TXLNG: variants seen among roughly 807,000 people sequenced by gnomAD.
TXLNG encodes taxilin gamma, also known as gamma-taxilin.
In TXLNG, 5 loss-of-function variants were observed where a neutral mutation model predicts 38.8. The observed-to-expected ratio is 0.13, with a 90% CI of 0.07 to 0.27. The LOEUF is 0.27. TXLNG is among the 10% of genes least tolerant of loss of function. The pLI is 1.00. For synonymous variants in TXLNG, 182 were observed against 158.2 expected (o/e 1.15, Z -1.13); for missense variants, 393 against 398.2 (o/e 0.99, Z 0.11).
intron 7 of TXLNG, among the ~76,000 whole-genome samples, chrX:16,835,442 C>T (rs1929555351): frequency 8.9e-6 from 1 of 111,935 alleles, no homozygotes; most frequent in Non-Finnish European, 1.9e-5. Context: ...CAGAAAGCTT[C>T]TAGGAGATTT....
chrX:16,813,877 G>A (rs926646421), intron 1 of TXLNG, among the ~76,000 whole-genome samples: 5 of 111,166 alleles, frequency 4.5e-5, no homozygotes, highest in Non-Finnish European at 9.4e-5. Context: ...ATAAGGTCAG[G>A]AGATCGAGAC....
rs191339844 is a variant in TXLNG at position 16,805,059 on chromosome X, A to G, written c.103-13515A>G. ...CAGGCTAGAGTGCAGTGGTGCAGTCATAGCTTGCTGATCTTCCAAGCTCAA... is the reference window on the plus strand; with the variant it reads ...CAGGCTAGAGTGCAGTGGTGCAGTCGTAGCTTGCTGATCTTCCAAGCTCAA... On this transcript the variant is annotated intron_variant, in intron 1 of 9. Transcript: ENST00000380122. Among the ~76,000 whole-genome samples the G allele has an allele frequency of 4.8e-3, 420 of 87,561 alleles. 4 individuals are homozygous for G. The highest frequency in any genetic ancestry group is 0.018 in the African/African-American group (409 of 22,293). 76.0% of individuals were successfully genotyped at this position (87,561 alleles called of 115,157 possible). A position where few individuals can be genotyped will look rare whatever the true frequency, so the allele number is the denominator to read the frequency against.
chrX:16,821,911 A>G (rs769224204), intron 3 of TXLNG, among the ~76,000 whole-genome samples: 11 of 106,573 alleles, frequency 1.0e-4, no homozygotes, highest in South Asian at 4.2e-4. Flanking sequence ...GGAGAATGGC[A>G]TGAACCCGGG....
At chrX:16,832,856 A>C in intron 6 of TXLNG, 114 bp downstream of exon 6, 1 of 949,244 alleles carries the variant, frequency 1.1e-6, no homozygotes, top group Non-Finnish European at 1.4e-6. Flanking sequence ...TCTACCTTTA[A>C]TGTAGCACCT....
chrX:16,837,355 G>A (rs755129628), intron 7 of TXLNG, among the ~76,000 whole-genome samples: 1 of 112,100 alleles, frequency 8.9e-6, no homozygotes, highest in East Asian at 2.8e-4. Context: ...CCTTCAGGCT[G>A]TGTTATGACC....
chrX:16,841,354 G>A, intron 9 of TXLNG, 74 bp from the exon 10 acceptor site: 1 of 962,481 alleles, frequency 1.0e-6, no homozygotes, highest in East Asian at 3.1e-5. Flanking sequence ...GTCCAATATG[G>A]CTGAGCTGGC....
intron 1 of TXLNG, among the ~76,000 whole-genome samples, chrX:16,787,210 G>C (rs1602349997): frequency 8.9e-6 from 1 of 111,773 alleles, no homozygotes; most frequent in African/African-American, 3.2e-5. Context: ...CGGTGCGAGC[G>C]GGACGCTCGG....
At chrX:16,826,980 G>T (rs1322908640) in intron 3 of TXLNG, among the ~76,000 whole-genome samples, 1 of 109,628 alleles carries the variant, frequency 9.1e-6, no homozygotes, top group African/African-American at 3.3e-5. Flanking sequence ...TGTAATCCCA[G>T]CACTTTGGGA....
intron 7 of TXLNG, among the ~76,000 whole-genome samples, chrX:16,836,028 C>T (rs1286886696): frequency 8.9e-6 from 1 of 112,370 alleles, no homozygotes; most frequent in Non-Finnish European, 1.9e-5. Context: ...CTAGCCAAGG[C>T]GGGCGGATCG....
At chrX:16,837,817 G>T in intron 8 of TXLNG, 132 bp downstream of exon 8, 1 of 441,127 alleles carries the variant, frequency 2.3e-6, no homozygotes, top group African/African-American at 2.5e-5. Flanking sequence ...ATCCTCCAGT[G>T]GCATTTTTGG....
At chrX:16,791,078 A>G (rs1927684868) in intron 1 of TXLNG, among the ~76,000 whole-genome samples, 1 of 112,239 alleles carries the variant, frequency 8.9e-6, no homozygotes, top group African/African-American at 3.2e-5. Context: ...TTGATGGGAC[A>G]CATTTGGCAC....
intron 1 of TXLNG, among the ~76,000 whole-genome samples, chrX:16,793,854 G>A (rs1163479019): frequency 2.7e-5 from 3 of 109,315 alleles, no homozygotes; most frequent in Non-Finnish European, 5.7e-5. Flanking sequence ...CCTATGTTGC[G>A]CAGGCTGGTC....
At chrX:16,795,893 A>G (rs1305585188) in intron 1 of TXLNG, among the ~76,000 whole-genome samples, 1 of 107,298 alleles carries the variant, frequency 9.3e-6, no homozygotes, top group East Asian at 2.9e-4. Flanking sequence ...GCTCACTGCA[A>G]CCTCTGCCTC....
intron 1 of TXLNG, among the ~76,000 whole-genome samples, chrX:16,807,674 C>A (rs1928379819): frequency 9.0e-6 from 1 of 111,213 alleles, no homozygotes; most frequent in African/African-American, 3.3e-5. Flanking sequence ...CTGAGGCAAG[C>A]TAAGGATGTC....
chrX:16,834,768 G>A (rs1030722501), intron 7 of TXLNG, among the ~76,000 whole-genome samples: 1 of 112,376 alleles, frequency 8.9e-6, no homozygotes, highest in African/African-American at 3.2e-5. Context: ...GTTGAACCAC[G>A]TGAAATTGCT....
chrX:16,793,098 CAAAA>C (rs995516017), intron 1 of TXLNG, among the ~76,000 whole-genome samples: 4 of 83,420 alleles, frequency 4.8e-5, no homozygotes, highest in African/African-American at 1.3e-4. Context: ...GACTCCGTGT[CAAAA>C]AAAAAAAAAA....
chrX:16,797,145 G>A (rs931337220), intron 1 of TXLNG, among the ~76,000 whole-genome samples: 1 of 109,898 alleles, frequency 9.1e-6, no homozygotes, highest in Non-Finnish European at 1.9e-5. Context: ...TTAGCCAGAC[G>A]TGGTGGCGCA....
intron 1 of TXLNG, among the ~76,000 whole-genome samples, chrX:16,803,780 C>T (rs1470781666): frequency 7.4e-5 from 8 of 108,805 alleles, no homozygotes; most frequent in African/African-American, 2.3e-4. Context: ...AGTGAAACTC[C>T]GTCTTTACTA....
chrX:16,798,537 C>T (rs1180116915), intron 1 of TXLNG, among the ~76,000 whole-genome samples: 3 of 110,487 alleles, frequency 2.7e-5, no homozygotes, highest in East Asian at 2.8e-4. Context: ...CAGCTGCACT[C>T]GTGCTTTTTT....
Sources: allele counts gnomAD v4.1 joint callset (sites outside exome capture counted in the v4.1 genomes callset), GRCh38; gene constraint gnomAD v4.1.1; transcripts MANE v1.5; gene names NCBI Gene and HGNC (gene_info 2026-07-23, HGNC 2026-07-21).